PTPN13: variants seen among roughly 807,000 people sequenced by gnomAD.
The protein encoded by PTPN13 is protein tyrosine phosphatase non-receptor type 13, also known as tyrosine-protein phosphatase non-receptor type 13.
PTPN13 carries 191 observed loss-of-function variants against 284.0 expected under a neutral mutation model. The ratio of observed to expected loss-of-function variants is 0.67; its 90% confidence interval spans 0.60 to 0.76. The LOEUF (loss-of-function observed/expected upper bound fraction) is 0.76, where lower values mean the gene tolerates loss of function less well. Ranked by LOEUF, PTPN13 falls within the 30% of genes least tolerant of loss-of-function variation. The pLI, the probability that PTPN13 is intolerant of heterozygous loss-of-function variation, is 0.00. For synonymous variants in PTPN13, 986 were observed against 1,022.3 expected (o/e 0.96, Z 0.68); for missense variants, 2,797 against 2,939.9 (o/e 0.95, Z 1.12).
chr4:86,636,379 AG>A (rs1204120011), intron 2 of PTPN13, among the ~76,000 whole-genome samples: 2 of 147,166 alleles, frequency 1.4e-5, no homozygotes, highest in Non-Finnish European at 3.0e-5. Flanking sequence ...TTGCACATGA[AG>A]ATGTTGTTTG....
intron 1 of PTPN13, among the ~76,000 whole-genome samples, chr4:86,630,392 A>G (rs1722344148): frequency 6.6e-6 from 1 of 152,040 alleles, no homozygotes; most frequent in Non-Finnish European, 1.5e-5. Flanking sequence ...AGCCTCAACC[A>G]TTTTCTCATT....
At chr4:86,797,951 T>TA (rs1406838157) in intron 41 of PTPN13, among the ~76,000 whole-genome samples, 2 of 152,136 alleles carry the variant, frequency 1.3e-5, no homozygotes, top group African/African-American at 4.8e-5. Context: ...AATATAAACT[T>TA]TATTAACATA....
chr4:86,803,454 CAGAGGG>C (rs1744278344), intron 42 of PTPN13, among the ~76,000 whole-genome samples: 1 of 151,920 alleles, frequency 6.6e-6, no homozygotes. Flanking sequence ...TAACCAGGCA[CAGAGGG>C]TGCATGACTG....
intron 28 of PTPN13, among the ~76,000 whole-genome samples, chr4:86,768,510 GT>G (rs1267220437): frequency 2.6e-5 from 4 of 151,880 alleles, no homozygotes; most frequent in Admixed American, 2.6e-4. Flanking sequence ...TTCTTAAGAG[GT>G]TTATATTTCC....
At chr4:86,671,814 TC>T (rs1727750492) in intron 2 of PTPN13, among the ~76,000 whole-genome samples, 1 of 152,228 alleles carries the variant, frequency 6.6e-6, no homozygotes, top group Non-Finnish European at 1.5e-5. Context: ...ACAGGAATTT[TC>T]AAAGGAATTG....
intron 1 of PTPN13, chr4:86,595,856 G>C: frequency 3.2e-6 from 2 of 626,432 alleles, no homozygotes; most frequent in Non-Finnish European, 4.0e-6. Context: ...GGGGGGGGGA[G>C]TAAAAGTGCA....
chr4:86,683,746 TA>T (rs1278742091), intron 3 of PTPN13, among the ~76,000 whole-genome samples: 2 of 152,300 alleles, frequency 1.3e-5, no homozygotes, highest in Non-Finnish European at 2.9e-5. Flanking sequence ...TAGTCATGTA[TA>T]AAAATTATTA....
chr4:86,636,390 G>GT (rs373527044), intron 2 of PTPN13, among the ~76,000 whole-genome samples: 23,440 of 152,020 alleles, frequency 0.15, 2,271 homozygotes, highest in East Asian at 0.29. Context: ...GATGTTGTTT[G>GT]CCATTCATAG....
At chr4:86,752,987 T>C in intron 19 of PTPN13, 22 bp from the exon 20 acceptor site, 1 of 1,570,400 alleles carries the variant, frequency 6.4e-7, no homozygotes, top group Non-Finnish European at 8.7e-7. Context: ...ATGAAATGTC[T>C]AATATTTAAT....
chr4:86,605,512 A>G (rs1764670489), intron 1 of PTPN13, among the ~76,000 whole-genome samples: 1 of 151,928 alleles, frequency 6.6e-6, no homozygotes, highest in Non-Finnish European at 1.5e-5. Flanking sequence ...TCTGGATGGT[A>G]AAGAATGAGT....
Position 86,814,455 on chromosome 4 carries a change from G to A in PTPN13, c.7363-1G>A, listed in dbSNP as rs1745582932. Reference sequence around the variant, plus strand: ...TTCTATCTCACTTTTTTTGGCCATAGGATCAATATATTTTCTGCTATCAAG... The same window carrying A: ...TTCTATCTCACTTTTTTTGGCCATAAGATCAATATATTTTCTGCTATCAAG... On this transcript the variant is annotated splice_acceptor_variant, in intron 47 of 47. Coordinates refer to ENST00000411767, the MANE Select transcript of PTPN13 (RefSeq NM_080683.3). LOFTEE classifies it high-confidence loss of function. 2 of 1,601,498 alleles carry A rather than the reference G, an allele frequency of 1.2e-6. No homozygotes were observed. Among genetic ancestry groups the A allele is most frequent in the African/African-American group, 1.3e-5 (1 of 74,124 alleles).
chr4:86,718,094 C>A (rs560902701), intron 9 of PTPN13, among the ~76,000 whole-genome samples: 1 of 152,122 alleles, frequency 6.6e-6, no homozygotes, highest in South Asian at 2.1e-4. Context: ...GTGTCTTTGT[C>A]GTGTATGCCC....
intron 1 of PTPN13, among the ~76,000 whole-genome samples, chr4:86,621,144 C>T (rs1486842451): frequency 6.6e-6 from 1 of 151,536 alleles, no homozygotes; most frequent in Admixed American, 6.6e-5. Context: ...GGCTGGGGTA[C>T]ACGTGGGGAT....
chr4:86,805,931 A>C (rs1381554621), intron 44 of PTPN13, among the ~76,000 whole-genome samples: 1 of 152,082 alleles, frequency 6.6e-6, no homozygotes, highest in Non-Finnish European at 1.5e-5. Flanking sequence ...CGAGGGAGGC[A>C]GATCACTTGA....
rs148985450 is a variant in PTPN13, at chr4:86,623,766, G to T, written c.-5-11486G>T. 4.2e-4 allele frequency among the ~76,000 whole-genome samples: 64 copies of T among 152,166 alleles called. No individual in the cohort carries two copies. In the East Asian group the frequency reaches 9.5e-3, roughly 22 times the overall value. ...ACATCTCACTCTCTCACCTCCTTTA[G>T]AACTTTGCTCAAATGACAAACTCTC... On this transcript the variant is annotated intron_variant, in intron 1 of 47. Transcript: ENST00000411767.
rs1741398387 is a variant in PTPN13, at chr4:86,782,188, A to G, written c.5963-13A>G. The G allele has an allele frequency of 1.9e-6, 3 of 1,581,626 alleles. No individual in the cohort carries two copies. Among genetic ancestry groups the G allele is most frequent in the Non-Finnish European group, 8.7e-7 (1 of 1,150,870 alleles). On this transcript the variant is annotated splice_polypyrimidine_tract_variant and intron_variant, in intron 36 of 47. Coordinates refer to ENST00000411767, the MANE Select transcript of PTPN13 (RefSeq NM_080683.3). ...ATTGGCTCATCCCCTTACTTCCTAT[A>G]TTGTCCTTTCAGGTTCCTACAGTGT...
At chr4:86,625,398 C>T (rs1721718165) in intron 1 of PTPN13, among the ~76,000 whole-genome samples, 1 of 152,116 alleles carries the variant, frequency 6.6e-6, no homozygotes, top group Non-Finnish European at 1.5e-5. Flanking sequence ...TCCCTCATCC[C>T]AACCTTGGAA....
chr4:86,657,951 G>T (rs1427642779), intron 2 of PTPN13, among the ~76,000 whole-genome samples: 1 of 152,202 alleles, frequency 6.6e-6, no homozygotes, highest in African/African-American at 2.4e-5. Context: ...AGCTGCCACA[G>T]TTGGTTTTGC....
intron 35 of PTPN13, among the ~76,000 whole-genome samples, chr4:86,778,221 T>C (rs984320394): frequency 5.3e-5 from 8 of 152,222 alleles, no homozygotes; most frequent in African/African-American, 1.7e-4. Context: ...CTCATACTCC[T>C]TGGTTTATGA....
Sources: gnomAD v4.1 joint callset for allele counts (sites outside exome capture counted in the v4.1 genomes callset) on GRCh38, gnomAD v4.1.1 for gene constraint, MANE v1.5 for transcripts, NCBI Gene and HGNC (gene_info 2026-07-23, HGNC 2026-07-21) for gene names.